CNTNAP2: variants seen among roughly 807,000 people sequenced by gnomAD.
The protein encoded by CNTNAP2 is contactin associated protein 2.
In CNTNAP2, 98 loss-of-function variants were observed where a neutral mutation model predicts 155.2. That is an observed-to-expected ratio of 0.63 (90% CI 0.54 to 0.75). The LOEUF (loss-of-function observed/expected upper bound fraction) is 0.75. Ranked by LOEUF, CNTNAP2 falls within the 30% of genes least tolerant of loss-of-function variation. The pLI is 0.00. For missense variants in CNTNAP2, 1,727 were observed against 1,688.1 expected, an observed-to-expected ratio of 1.02 and a Z score of -0.40; for synonymous variants, 651 against 631.2, an observed-to-expected ratio of 1.03 and a Z score of -0.47.
chr7:146,355,042 T>G (rs1338792263), intron 1 of CNTNAP2, among the ~76,000 whole-genome samples: 1 of 152,094 alleles, frequency 6.6e-6, no homozygotes, highest in African/African-American at 2.4e-5. Context: ...ATAACAGGAG[T>G]CTCAGAGGAC....
In CNTNAP2 at chr7:148,235,536, C is replaced by T. The variant is rs529073038; in HGVS notation, c.3381+5757C>T. On this transcript the variant is annotated intron_variant, in intron 20 of 23. Coordinates refer to ENST00000361727, the MANE Select transcript of CNTNAP2 (RefSeq NM_014141.6). Reference sequence around the variant, plus strand: ...ACTGCCACCAACTTCCCTGCTTCCCCAACCCTGGATTAGGCCAAATTATTG... The same window carrying T: ...ACTGCCACCAACTTCCCTGCTTCCCTAACCCTGGATTAGGCCAAATTATTG... Among the ~76,000 whole-genome samples, 165 of 152,272 alleles carry T rather than the reference C, an allele frequency of 1.1e-3. 1 individual carries two copies. The highest frequency in any genetic ancestry group is 1.7e-3 in the South Asian group (8 of 4,826).
chr7:146,931,349 C>T (rs982839252), intron 3 of CNTNAP2, among the ~76,000 whole-genome samples: 4 of 150,142 alleles, frequency 2.7e-5, no homozygotes, highest in African/African-American at 9.8e-5. Flanking sequence ...GGGTACATAA[C>T]GAAATGAAGG....
intron 1 of CNTNAP2, among the ~76,000 whole-genome samples, chr7:146,391,974 C>A (rs541407678): frequency 1.3e-5 from 2 of 151,932 alleles, no homozygotes; most frequent in Non-Finnish European, 2.9e-5. Context: ...CTTGTACCCC[C>A]GAACTTAAAA....
At chr7:146,611,534 G>A (rs1400097441) in intron 1 of CNTNAP2, among the ~76,000 whole-genome samples, 1 of 151,994 alleles carries the variant, frequency 6.6e-6, no homozygotes, top group African/African-American at 2.4e-5. Flanking sequence ...AAGTATTTGA[G>A]GTCTAAAATC....
intron 16 of CNTNAP2, among the ~76,000 whole-genome samples, chr7:148,145,656 G>A (rs1028273485): frequency 6.6e-5 from 10 of 152,172 alleles, no homozygotes; most frequent in Non-Finnish European, 1.5e-4. Context: ...TATGAGAACA[G>A]AACAGATTTA....
At chr7:146,606,220 T>C (rs1448964922) in intron 1 of CNTNAP2, among the ~76,000 whole-genome samples, 3 of 152,112 alleles carry the variant, frequency 2.0e-5, no homozygotes, top group African/African-American at 7.2e-5. Context: ...TTAGAATGAG[T>C]CATATTATAA....
At chr7:146,793,508 T>C (rs1037858338) in intron 2 of CNTNAP2, among the ~76,000 whole-genome samples, 3 of 152,142 alleles carry the variant, frequency 2.0e-5, no homozygotes, top group African/African-American at 4.8e-5. Flanking sequence ...TATAGCCTGG[T>C]GGTGGCTAAG....
intron 15 of CNTNAP2, among the ~76,000 whole-genome samples, chr7:147,979,321 C>A (rs1466320593): frequency 2.0e-5 from 3 of 151,976 alleles, no homozygotes; most frequent in Non-Finnish European, 4.4e-5. Flanking sequence ...ATTTCAACTG[C>A]CTAAGAAAAG....
Position 147,371,626 on chromosome 7 carries a change from G to A in CNTNAP2, c.1499-23983G>A, listed in dbSNP as rs548733333. On this transcript the variant is annotated intron_variant, in intron 9 of 23. Transcript: ENST00000361727. ...TGTTGCAGAGGCTGTAGATTACCAA[G>A]TTCTCCTAGATTCACAGGGCAGTAA... Among the ~76,000 whole-genome samples, 6 of 152,136 alleles carry A rather than the reference G, an allele frequency of 3.9e-5. No individual in the cohort carries two copies. The South Asian group carries it at 1.0e-3, about 26-fold the overall frequency.
At chr7:147,497,879 C>A (rs905541828) in intron 11 of CNTNAP2, among the ~76,000 whole-genome samples, 1 of 152,292 alleles carries the variant, frequency 6.6e-6, no homozygotes, top group Middle Eastern at 3.4e-3. Context: ...TGTCCAAAAG[C>A]ACTATTTTTC....
At chr7:146,125,533 G>A (rs766893540) in intron 1 of CNTNAP2, among the ~76,000 whole-genome samples, 1 of 134,660 alleles carries the variant, frequency 7.4e-6, no homozygotes, top group Non-Finnish European at 1.5e-5. Context: ...CCGAGATCGC[G>A]CCACTGCACT....
chr7:146,839,665 C>A, intron 2 of CNTNAP2, 46 bp from the exon 3 acceptor site: 4 of 1,601,786 alleles, frequency 2.5e-6, no homozygotes, highest in South Asian at 2.2e-5. Context: ...TGTACAAGTT[C>A]AAATTTAAAT....
At chr7:146,695,266 A>G (rs1237561936) in intron 1 of CNTNAP2, among the ~76,000 whole-genome samples, 1 of 152,096 alleles carries the variant, frequency 6.6e-6, no homozygotes, top group Non-Finnish European at 1.5e-5. Context: ...GTTCCCCTTT[A>G]TGCCTAATTT....
chr7:147,858,671 A>G (rs1413644398), intron 13 of CNTNAP2, among the ~76,000 whole-genome samples: 3 of 152,140 alleles, frequency 2.0e-5, no homozygotes, highest in African/African-American at 7.2e-5. Context: ...AATGACTGGT[A>G]TCCTCATAAG....
chr7:146,541,827 A>G (rs1274082877), intron 1 of CNTNAP2, among the ~76,000 whole-genome samples: 1 of 151,960 alleles, frequency 6.6e-6, no homozygotes, highest in African/African-American at 2.4e-5. Flanking sequence ...TTTTCACCAG[A>G]AAACCTCTCA....
intron 13 of CNTNAP2, among the ~76,000 whole-genome samples, chr7:147,668,803 T>C (rs1795741499): frequency 6.6e-6 from 1 of 152,060 alleles, no homozygotes; most frequent in South Asian, 2.1e-4. Context: ...GTTTTCTATA[T>C]ATTTAGTGTG....
Position 148,417,088 on chromosome 7 carries a change from C to T in CNTNAP2, c.*1472C>T, listed in dbSNP as rs947069902. On this transcript the variant is annotated 3_prime_UTR_variant, in exon 24 of 24. Transcript: ENST00000361727. The stretch of plus-strand genomic sequence containing the variant: ...TCAAGCCTCTTATACTTAATAAGCA[C>T]TTTCTAAAAAGTCTTGAGATCCCAC... 1 of 152,150 alleles carries T rather than the reference C, an allele frequency of 6.6e-6. No individual in the cohort carries two copies. Among genetic ancestry groups the T allele is most frequent in the African/African-American group, 2.4e-5 (1 of 41,418 alleles). 9.4% of individuals were successfully genotyped at this position (152,150 alleles called of 1,614,324 possible). A position where few individuals can be genotyped will look rare whatever the true frequency, so the allele number is the denominator to read the frequency against.
At chr7:147,232,108 T>C (rs1376961510) in intron 8 of CNTNAP2, among the ~76,000 whole-genome samples, 1 of 152,202 alleles carries the variant, frequency 6.6e-6, no homozygotes, top group Non-Finnish European at 1.5e-5. Context: ...GACTTAGGAA[T>C]ACATTTATCC....
rs551079414 is a variant in CNTNAP2, at chr7:147,392,426, G to A, written c.1499-3183G>A. Among the ~76,000 whole-genome samples the A allele has an allele frequency of 5.6e-4, 85 of 151,358 alleles. 1 individual carries two copies. Among genetic ancestry groups the A allele is most frequent in the Non-Finnish European group, 8.7e-4 (59 of 67,908 alleles). On this transcript the variant is annotated intron_variant, in intron 9 of 23. Transcript: ENST00000361727. The stretch of plus-strand genomic sequence containing the variant: ...TTTGGCTACATGAGTAAGTTCTTTC[G>A]TGGTGATTTATGAGATTTTGGTGCA...
Sources: allele counts gnomAD v4.1 joint callset (sites outside exome capture counted in the v4.1 genomes callset), GRCh38; gene constraint gnomAD v4.1.1; transcripts MANE v1.5; gene names NCBI Gene and HGNC (gene_info 2026-07-23, HGNC 2026-07-21).